Variants in RAD54B observed in about 807,000 individuals in gnomAD.
RAD54B encodes DNA repair and recombination protein RAD54B.
A neutral mutation model predicts 95.8 loss-of-function variants in RAD54B; 78 were observed. That is an observed-to-expected ratio of 0.81 (90% CI 0.68 to 0.98). The LOEUF is 0.98. RAD54B is among the 50% of genes least tolerant of loss of function. The probability of loss-of-function intolerance (pLI) is 0.00; values close to 1 mark genes in which losing one functional copy is unlikely to be tolerated. For missense variants in RAD54B, 957 were observed against 1,056.6 expected (o/e 0.91, Z 1.31); for synonymous variants, 328 against 354.9 (o/e 0.92, Z 0.85).
At chr8:94,406,504 C>T (rs2130026128) in intron 5 of RAD54B, among the ~76,000 whole-genome samples, 1 of 152,240 alleles carries the variant, frequency 6.6e-6, no homozygotes, top group African/African-American at 2.4e-5. Flanking sequence ...TAATATAGAA[C>T]TCAGAATTTT....
chr8:94,380,236 CT>C lies in RAD54B; in HGVS notation c.2155del (p.Ser719ValfsTer7). ...AAGTCCTACACCACCAGCTTTTGAACTTAACAAAAAAATAAAAAAAGAAGAG... is the reference window on the plus strand; with the variant it reads ...AAGTCCTACACCACCAGCTTTTGAACTAACAAAAAAATAAAAAAAGAAGAG... ...QHSSFFIFLL[S>X]SKAGGVGLNL... On this transcript the variant is annotated frameshift_variant, in exon 12 of 15. Coordinates refer to ENST00000336148, the MANE Select transcript of RAD54B (RefSeq NM_012415.3). LOFTEE classifies it high-confidence loss of function. 1.9e-6 allele frequency: 3 copies of C among 1,613,854 alleles called. No homozygotes were observed. The highest frequency in any genetic ancestry group is 1.7e-4 in the Middle Eastern group (1 of 6,058).
At chr8:94,387,245 G>A (rs1012672168) in intron 10 of RAD54B, 86 bp from the exon 11 acceptor site, 28 of 1,127,898 alleles carry the variant, frequency 2.5e-5, no homozygotes, top group Non-Finnish European at 3.2e-5. Context: ...GAAGGAAAAA[G>A]GTGAAGATTA....
In RAD54B at chr8:94,391,873, T is replaced by A; in HGVS notation, c.1545A>T (p.Arg515Ser). Residue 515 changes from arginine to serine, a missense_variant, in exon 10 of 15, where the codon AGA becomes AGT. Arg to Ser is a moderately radical substitution (Grantham distance 110, BLOSUM62 -1). Transcript: ENST00000336148. ...CAGTGAGGCAAGTAAGTTCAGCTGC[T>A]CTTCTTTCTCCTAACTCCTTTTCTT... ...SEEEKELGER[R>S]AAELTCLTGL... The A allele has an allele frequency of 1.9e-6, 3 of 1,611,224 alleles. No homozygotes were observed. Among genetic ancestry groups the A allele is most frequent in the Non-Finnish European group, 2.5e-6 (3 of 1,179,280 alleles).
At chr8:94,427,774 T>C in intron 3 of RAD54B, 1 of 961,264 alleles carries the variant, frequency 1.0e-6, no homozygotes, top group African/African-American at 1.8e-5. Flanking sequence ...TAACCATCAT[T>C]ATCTACAGTA....
intron 3 of RAD54B, among the ~76,000 whole-genome samples, chr8:94,438,466 G>A (rs977478869): frequency 5.9e-5 from 9 of 151,986 alleles, no homozygotes; most frequent in Non-Finnish European, 8.8e-5. Flanking sequence ...AAAGAAAATC[G>A]ACCTGCCCCA....
At chr8:94,379,488 G>A (rs891370144) in intron 12 of RAD54B, among the ~76,000 whole-genome samples, 1 of 152,192 alleles carries the variant, frequency 6.6e-6, no homozygotes, top group Non-Finnish European at 1.5e-5. Context: ...GTCTCTCTTG[G>A]ACTCTGCCCT....
intron 3 of RAD54B, among the ~76,000 whole-genome samples, chr8:94,421,282 T>G (rs1193333937): frequency 6.6e-6 from 1 of 152,182 alleles, no homozygotes; most frequent in African/African-American, 2.4e-5. Context: ...AACTATACTT[T>G]TGTAGATTCT....
intron 3 of RAD54B, among the ~76,000 whole-genome samples, chr8:94,444,956 A>G (rs1812486407): frequency 6.6e-6 from 1 of 152,114 alleles, no homozygotes; most frequent in Non-Finnish European, 1.5e-5. Context: ...CCTAATTTTG[A>G]TAACTGTCAG....
At chr8:94,421,263 G>A (rs1005540368) in intron 3 of RAD54B, among the ~76,000 whole-genome samples, 71 of 152,236 alleles carry the variant, frequency 4.7e-4, no homozygotes, top group African/African-American at 1.7e-3. Flanking sequence ...CTTCCTCCTA[G>A]AAATACTGAA....
chr8:94,377,249 T>C (rs961373068), intron 14 of RAD54B, among the ~76,000 whole-genome samples: 5 of 152,102 alleles, frequency 3.3e-5, no homozygotes, highest in Admixed American at 3.3e-4. Flanking sequence ...TAAAACCATT[T>C]TTCTGGCTGG....
intron 2 of RAD54B, among the ~76,000 whole-genome samples, chr8:94,461,042 A>G (rs75609982): frequency 0.012 from 1,881 of 152,128 alleles, 49 homozygotes; most frequent in African/African-American, 0.043. Flanking sequence ...AGTGATTAGG[A>G]CATGAACATG....
chr8:94,468,673 C>A (rs1455016071), intron 1 of RAD54B, among the ~76,000 whole-genome samples: 1 of 151,688 alleles, frequency 6.6e-6, no homozygotes, highest in African/African-American at 2.4e-5. Context: ...AAAAAAAATA[C>A]CAAAAATTAG....
chr8:94,464,964 G>A (rs1043361631), intron 2 of RAD54B, among the ~76,000 whole-genome samples: 5 of 152,000 alleles, frequency 3.3e-5, no homozygotes, highest in African/African-American at 7.2e-5. Context: ...GACTCAGAGC[G>A]AAAACTCACT....
At chr8:94,378,405 T>A (rs893780919) in intron 13 of RAD54B, 25 bp from the exon 14 acceptor site, 3 of 1,587,174 alleles carry the variant, frequency 1.9e-6, no homozygotes, top group African/African-American at 2.7e-5. Flanking sequence ...TTAATTAGAT[T>A]TCCTTCAGAT....
At chr8:94,375,712 C>T (rs1321147752) in intron 14 of RAD54B, among the ~76,000 whole-genome samples, 7 of 152,050 alleles carry the variant, frequency 4.6e-5, no homozygotes, top group Non-Finnish European at 1.0e-4. Context: ...TGTAACAATA[C>T]GGAAAGATCT....
At chr8:94,470,657 C>G (rs1228989709) in intron 1 of RAD54B, among the ~76,000 whole-genome samples, 1 of 151,688 alleles carries the variant, frequency 6.6e-6, no homozygotes, top group Non-Finnish European at 1.5e-5. Context: ...ACTCAGGAGG[C>G]TGAGGCATGA....
intron 11 of RAD54B, among the ~76,000 whole-genome samples, 154 bp from the exon 12 acceptor site, chr8:94,380,560 T>C (rs1419894503): frequency 1.3e-5 from 2 of 152,218 alleles, no homozygotes; most frequent in African/African-American, 4.8e-5. Context: ...TCCTGCATAT[T>C]CCATTTTAAA....
intron 5 of RAD54B, among the ~76,000 whole-genome samples, chr8:94,406,404 G>A (rs1811389585): frequency 6.6e-6 from 1 of 152,186 alleles, no homozygotes; most frequent in African/African-American, 2.4e-5. Context: ...AAAAGAGCTG[G>A]TGGGACAGAC....
chr8:94,445,605 C>T (rs866761128), intron 3 of RAD54B, among the ~76,000 whole-genome samples: 4 of 152,126 alleles, frequency 2.6e-5, no homozygotes, highest in South Asian at 4.1e-4. Context: ...CTGAATAACA[C>T]CATTTATTTG....
Sources: gnomAD v4.1 joint callset for allele counts (sites outside exome capture counted in the v4.1 genomes callset) on GRCh38, gnomAD v4.1.1 for gene constraint, MANE v1.5 for transcripts, NCBI Gene and HGNC (gene_info 2026-07-23, HGNC 2026-07-21) for gene names.